RP1: variants seen among roughly 807,000 people sequenced by gnomAD.
The protein encoded by RP1 is RP1 axonemal microtubule associated.
In RP1, 16 loss-of-function variants were observed where a neutral mutation model predicts 14.8. That is an observed-to-expected ratio of 1.08 (90% CI 0.73 to 1.65). The LOEUF is 1.65. Among genes scored for constraint, RP1 ranks in the 40% most tolerant of loss-of-function variants. RP1 has a pLI of 0.00. For missense variants in RP1, 2,631 were observed against 2,535.0 expected (o/e 1.04, Z -0.81); for synonymous variants, 876 against 883.6 (o/e 0.99, Z 0.15).
chr8:54,569,915 CCT>C (rs1804485398), intron 1 of RP1, among the ~76,000 whole-genome samples: 1 of 152,172 alleles, frequency 6.6e-6, no homozygotes, highest in Admixed American at 6.5e-5. Flanking sequence ...GGAAAGGTTC[CCT>C]CTCAGTCTCC....
chr8:54,845,298 C>G (rs1406884198), intron 25 of RP1, among the ~76,000 whole-genome samples: 1 of 152,190 alleles, frequency 6.6e-6, no homozygotes, highest in African/African-American at 2.4e-5. Flanking sequence ...TTAGATGATT[C>G]ATACCTGATC....
At chr8:54,603,524 CT>C (rs1438144915) in intron 1 of RP1, among the ~76,000 whole-genome samples, 1 of 152,034 alleles carries the variant, frequency 6.6e-6, no homozygotes, top group African/African-American at 2.4e-5. Flanking sequence ...AATGAGGGCT[CT>C]TTTTTGGTTC....
chr8:54,565,998 C>T (rs1261218127), intron 1 of RP1, among the ~76,000 whole-genome samples: 2 of 152,180 alleles, frequency 1.3e-5, no homozygotes, highest in African/African-American at 2.4e-5. Context: ...TCTCTGCCTT[C>T]ATCTTCACAC....
chr8:54,741,480 G>T (rs1436908045), intron 19 of RP1, among the ~76,000 whole-genome samples: 1 of 151,728 alleles, frequency 6.6e-6, no homozygotes, highest in Admixed American at 6.6e-5. Context: ...ATGCTACACA[G>T]GTGTGTAGCC....
intron 1 of RP1, among the ~76,000 whole-genome samples, chr8:54,573,921 G>T (rs1353289500): frequency 6.6e-6 from 1 of 152,184 alleles, no homozygotes; most frequent in Non-Finnish European, 1.5e-5. Flanking sequence ...CAAGAGGGGA[G>T]CAGGGCCATT....
intron 12 of RP1, chr8:54,696,711 G>C: frequency 1.4e-6 from 1 of 718,634 alleles, no homozygotes; most frequent in South Asian, 1.5e-5. Flanking sequence ...CTGGTGCAGA[G>C]AACCACTTCA....
chr8:54,771,509 G>C (rs1809906698), downstream of RP1, among the ~76,000 whole-genome samples: 2 of 152,032 alleles, frequency 1.3e-5, no homozygotes, highest in African/African-American at 4.8e-5. Context: ...GACTTTGTTA[G>C]ATATACTTCA....
At chr8:54,797,084 T>C (rs1810595076) in intron 24 of RP1, among the ~76,000 whole-genome samples, 1 of 152,120 alleles carries the variant, frequency 6.6e-6, no homozygotes, top group Non-Finnish European at 1.5e-5. Context: ...AGTAGACTCC[T>C]TTTTAGGAAT....
intron 3 of RP1, among the ~76,000 whole-genome samples, chr8:54,647,283 C>A (rs1307601646): frequency 6.6e-6 from 1 of 151,842 alleles, no homozygotes; most frequent in Non-Finnish European, 1.5e-5. Flanking sequence ...GGTGTGGTGG[C>A]GGGCACCTGT....
At chr8:54,670,863 A>C (rs1481784713) in intron 7 of RP1, among the ~76,000 whole-genome samples, 1 of 150,412 alleles carries the variant, frequency 6.6e-6, no homozygotes, top group African/African-American at 2.4e-5. Flanking sequence ...CTATCTTTTC[A>C]CTTTCAACCT....
intron 22 of RP1, among the ~76,000 whole-genome samples, chr8:54,768,259 T>G (rs1809814282): frequency 1.3e-5 from 2 of 152,228 alleles, no homozygotes; most frequent in Admixed American, 1.3e-4. Flanking sequence ...TTTAATTTTT[T>G]TGTTCTTCAT....
chr8:54,805,907 T>A (rs77654296), intron 24 of RP1, among the ~76,000 whole-genome samples: 4,360 of 152,280 alleles, frequency 0.029, 119 homozygotes, highest in African/African-American at 0.064. Context: ...TAAAAGATAA[T>A]CTTTGATTCC....
chr8:54,777,807 C>A (rs761759586), intron 23 of RP1, among the ~76,000 whole-genome samples: 3 of 152,060 alleles, frequency 2.0e-5, no homozygotes, highest in Non-Finnish European at 4.4e-5. Flanking sequence ...ATTTACATGA[C>A]CTTGAAAATG....
At chr8:54,810,237 A>G (rs1028821812) in intron 24 of RP1, among the ~76,000 whole-genome samples, 5 of 152,234 alleles carry the variant, frequency 3.3e-5, no homozygotes, top group Non-Finnish European at 7.3e-5. Flanking sequence ...CCTGCTTCTC[A>G]TAAGCAATCA....
At chr8:54,670,105 C>T (rs542423256) in intron 7 of RP1, among the ~76,000 whole-genome samples, 1 of 152,088 alleles carries the variant, frequency 6.6e-6, no homozygotes, top group Middle Eastern at 3.4e-3. Context: ...ATATTTCAGT[C>T]ACCTACTATT....
chr8:54,624,471 A>T (rs1449279533), intron 3 of RP1, among the ~76,000 whole-genome samples, 199 bp from the exon 4 acceptor site: 1 of 151,370 alleles, frequency 6.6e-6, no homozygotes, highest in Non-Finnish European at 1.5e-5. Context: ...AAAAAAAGAA[A>T]AAAAACAAAA....
At chr8:54,866,497 T>A (rs983678263) in intron 28 of RP1, among the ~76,000 whole-genome samples, 4 of 152,208 alleles carry the variant, frequency 2.6e-5, no homozygotes, top group Non-Finnish European at 5.9e-5. Flanking sequence ...TTTATGAGAA[T>A]GATTAAATCT....
At chr8:54,608,234 G>A (rs576237986) in intron 1 of RP1, among the ~76,000 whole-genome samples, 3 of 150,438 alleles carry the variant, frequency 2.0e-5, no homozygotes, top group South Asian at 2.1e-4. Flanking sequence ...TGTTGCCCAG[G>A]CTGGAGTGTA....
At chr8:54,600,002 C>T (rs1805237699) in intron 1 of RP1, among the ~76,000 whole-genome samples, 1 of 152,052 alleles carries the variant, frequency 6.6e-6, no homozygotes, top group Non-Finnish European at 1.5e-5. Flanking sequence ...AGGAGGGGTA[C>T]ACCTTATTAC....
Sources: gnomAD v4.1 joint callset for allele counts (sites outside exome capture counted in the v4.1 genomes callset) on GRCh38, gnomAD v4.1.1 for gene constraint, MANE v1.5 for transcripts, NCBI Gene and HGNC (gene_info 2026-07-23, HGNC 2026-07-21) for gene names.